Variants in LRCH1 observed in about 807,000 individuals in gnomAD.
LRCH1 encodes the protein leucine-rich repeat and calponin homology domain-containing protein 1.
In LRCH1, 23 loss-of-function variants were observed where a neutral mutation model predicts 94.9. The observed-to-expected ratio is 0.24, with a 90% confidence interval of 0.17 to 0.34. The LOEUF (loss-of-function observed/expected upper bound fraction) is 0.34. Ranked by LOEUF, LRCH1 falls within the 10% of genes least tolerant of loss-of-function variation. LRCH1 has a pLI of 1.00. For missense variants in LRCH1, 790 were observed against 945.9 expected, an observed-to-expected ratio of 0.84 and a Z score of 2.16; for synonymous variants, 364 against 354.9, an observed-to-expected ratio of 1.03 and a Z score of -0.29.
chr13:46,617,789 A>G (rs1480465515), intron 1 of LRCH1, among the ~76,000 whole-genome samples: 1 of 152,246 alleles, frequency 6.6e-6, no homozygotes, highest in Non-Finnish European at 1.5e-5. Context: ...GAAGGACAAT[A>G]AAAGCTCTCA....
intron 1 of LRCH1, among the ~76,000 whole-genome samples, chr13:46,609,964 T>C (rs1033079887): frequency 6.6e-6 from 1 of 152,198 alleles, no homozygotes; most frequent in Non-Finnish European, 1.5e-5. Flanking sequence ...GAAAAAAAGA[T>C]TGACCTTTGT....
chr13:46,665,086 T>G (rs1593336057), intron 2 of LRCH1, among the ~76,000 whole-genome samples: 1 of 152,198 alleles, frequency 6.6e-6, no homozygotes. Context: ...TGAAAATAAT[T>G]TTCTGTATTC....
chr13:46,653,006 G>A (rs1385515404), intron 2 of LRCH1, among the ~76,000 whole-genome samples: 1 of 152,172 alleles, frequency 6.6e-6, no homozygotes, highest in Non-Finnish European at 1.5e-5. Context: ...CTTCAGATGG[G>A]TAGGAAGAAT....
chr13:46,668,869 C>G (rs2051559660), intron 2 of LRCH1, among the ~76,000 whole-genome samples, 161 bp from the exon 3 acceptor site: 1 of 151,770 alleles, frequency 6.6e-6, no homozygotes. Flanking sequence ...TTCTTACATA[C>G]TTGTCATTTG....
At chr13:46,617,477 G>A (rs1225199642) in intron 1 of LRCH1, among the ~76,000 whole-genome samples, 1 of 152,222 alleles carries the variant, frequency 6.6e-6, no homozygotes, top group Non-Finnish European at 1.5e-5. Flanking sequence ...GAGATACGAA[G>A]GGTCATGTGA....
At chr13:46,650,146 G>C in intron 1 of LRCH1, 55 bp from the exon 2 acceptor site, 1 of 1,252,830 alleles carries the variant, frequency 8.0e-7, no homozygotes, top group African/African-American at 1.5e-5. Flanking sequence ...GTTAATAAAA[G>C]TGTATTGATT....
At chr13:46,695,802 G>A (rs1871152055) in intron 9 of LRCH1, among the ~76,000 whole-genome samples, 1 of 152,124 alleles carries the variant, frequency 6.6e-6, no homozygotes, top group Non-Finnish European at 1.5e-5. Flanking sequence ...CCTGATGGCT[G>A]GACCCAGCCT....
At chr13:46,691,502 G>A (rs1870893772) in intron 7 of LRCH1, among the ~76,000 whole-genome samples, 2 of 152,162 alleles carry the variant, frequency 1.3e-5, no homozygotes, top group South Asian at 2.1e-4. Flanking sequence ...CCCGAGGGTC[G>A]ATAATTTATA....
intron 2 of LRCH1, among the ~76,000 whole-genome samples, chr13:46,657,490 C>CTTTTCT (rs1566204533): frequency 4.2e-4 from 8 of 19,258 alleles, no homozygotes; most frequent in Non-Finnish European, 3.2e-4. Context: ...TTTACTTTTT[C>CTTTTCT]TTTTCTTTTC....
chr13:46,559,056 T>A (rs894081273), intron 1 of LRCH1, among the ~76,000 whole-genome samples: 11 of 152,216 alleles, frequency 7.2e-5, no homozygotes, highest in Admixed American at 3.9e-4. Flanking sequence ...CCTATTCCCA[T>A]CCTAAAGCAA....
chr13:46,650,722 C>CAA (rs756410319), intron 2 of LRCH1, among the ~76,000 whole-genome samples: 48 of 58,212 alleles, frequency 8.2e-4, no homozygotes, highest in African/African-American at 2.1e-3. Context: ...AAACAAGGAG[C>CAA]AAAAAAAAAA....
downstream of LRCH1, among the ~76,000 whole-genome samples, chr13:46,746,653 T>C (rs943925187): frequency 2.6e-5 from 4 of 152,200 alleles, no homozygotes; most frequent in Non-Finnish European, 4.4e-5. Flanking sequence ...GGTACAGCTG[T>C]CTCTGCTGTA....
At chr13:46,697,384 T>G (rs746570391) in intron 9 of LRCH1, among the ~76,000 whole-genome samples, 3 of 152,202 alleles carry the variant, frequency 2.0e-5, no homozygotes, top group Non-Finnish European at 2.9e-5. Flanking sequence ...TTAACATATA[T>G]TGATTGATGA....
intron 1 of LRCH1, among the ~76,000 whole-genome samples, chr13:46,617,816 A>C (rs2050829375): frequency 6.6e-6 from 1 of 152,182 alleles, no homozygotes; most frequent in Non-Finnish European, 1.5e-5. Flanking sequence ...ATAGGCCCCA[A>C]AACATTTTTT....
chr13:46,675,788 C>T (rs931435199), intron 3 of LRCH1, among the ~76,000 whole-genome samples: 7 of 152,254 alleles, frequency 4.6e-5, no homozygotes, highest in Admixed American at 4.6e-4. Flanking sequence ...CCAGGGCTTG[C>T]GCAAGGCCCT....
chr13:46,744,822 T>C lies in LRCH1; in HGVS notation c.*2974T>C. The C allele has an allele frequency of 1.0e-6, 1 of 983,560 alleles. No individual in the cohort carries two copies. Among genetic ancestry groups the C allele is most frequent in the Non-Finnish European group, 1.2e-6 (1 of 828,254 alleles). The allele number at this position is 983,560 out of a possible 1,614,324, so 60.9% of individuals were successfully genotyped here. ...GAAAAATACTTTAATATGATTTTATTTCAGGAGACTTGATTTTTAAAAATT... is the reference window on the plus strand; with the variant it reads ...GAAAAATACTTTAATATGATTTTATCTCAGGAGACTTGATTTTTAAAAATT... On this transcript the variant is annotated 3_prime_UTR_variant, in exon 20 of 20. Transcript: ENST00000389797.
At chr13:46,664,209 T>C (rs761467847) in intron 2 of LRCH1, among the ~76,000 whole-genome samples, 2 of 152,220 alleles carry the variant, frequency 1.3e-5, no homozygotes, top group African/African-American at 4.8e-5. Context: ...GTGGCTAAAA[T>C]TTTAGCAATT....
intron 3 of LRCH1, among the ~76,000 whole-genome samples, chr13:46,681,105 C>G (rs540110935): frequency 1.3e-5 from 2 of 152,314 alleles, no homozygotes; most frequent in South Asian, 4.1e-4. Flanking sequence ...TATTTGCTTC[C>G]TAAAGCAAAG....
intron 13 of LRCH1, 98 bp downstream of exon 13, chr13:46,705,402 C>A (rs767080408): frequency 9.6e-7 from 1 of 1,046,662 alleles, no homozygotes; most frequent in South Asian, 1.3e-5. Flanking sequence ...AGTGAAACAT[C>A]TTTATTAATG....
Sources: allele counts gnomAD v4.1 joint callset (sites outside exome capture counted in the v4.1 genomes callset), GRCh38; gene constraint gnomAD v4.1.1; transcripts MANE v1.5; gene names NCBI Gene and HGNC (gene_info 2026-07-23, HGNC 2026-07-21).